MYOM3: variants seen among roughly 807,000 people sequenced by gnomAD.
The protein encoded by MYOM3 is myomesin 3, also known as myomesin-3.
A neutral mutation model predicts 191.7 loss-of-function variants in MYOM3; 155 were observed. That is an observed-to-expected ratio of 0.81 (90% CI 0.71 to 0.92). The LOEUF is 0.92. Among genes scored for constraint, MYOM3 ranks in the 40% least tolerant of loss-of-function variants. The pLI is 0.00. For synonymous variants in MYOM3, 757 were observed against 762.9 expected (o/e 0.99, Z 0.13); for missense variants, 1,889 against 1,890.6 (o/e 1.00, Z 0.02).
intron 20 of MYOM3, among the ~76,000 whole-genome samples, chr1:24,079,086 A>G (rs921144488): frequency 3.9e-5 from 6 of 152,144 alleles, no homozygotes; most frequent in African/African-American, 1.4e-4. Context: ...TATATCTAAC[A>G]TGTTACATAT....
At position 24,080,211 on chromosome 1, in the gene MYOM3, A is replaced by G. The variant is rs141941711; in HGVS notation, c.2408-17T>C. ...ACGGGGGGCCTGTGACAAGTGAGAG[A>G]TGGGAAGAGATGTGTGAGTTGGGCA... is the stretch of plus-strand genomic sequence containing the variant. On this transcript the variant is annotated splice_polypyrimidine_tract_variant and intron_variant, in intron 19 of 36. Coordinates refer to ENST00000374434, the MANE Select transcript of MYOM3 (RefSeq NM_152372.4). The G allele has an allele frequency of 5.8e-4, 928 of 1,589,704 alleles. 17 individuals carry two copies. The East Asian group carries it at 0.015, about 25-fold the overall frequency.
intron 4 of MYOM3, 144 bp downstream of exon 4, chr1:24,106,929 C>G (rs777814891): frequency 1.9e-4 from 151 of 792,336 alleles, no homozygotes; most frequent in Non-Finnish European, 8.7e-5. Flanking sequence ...CGGGGTCACA[C>G]CACTGGAATG....
At chr1:24,086,205 C>T (rs137973109) in intron 15 of MYOM3, among the ~76,000 whole-genome samples, 2 of 152,144 alleles carry the variant, frequency 1.3e-5, no homozygotes, top group Non-Finnish European at 2.9e-5. Context: ...TCTCCCAGGT[C>T]CCCCGTTATG....
chr1:24,074,539 G>C (rs963000065), intron 22 of MYOM3, among the ~76,000 whole-genome samples: 3 of 152,202 alleles, frequency 2.0e-5, no homozygotes, highest in Admixed American at 1.3e-4. Context: ...TGAGGCATAG[G>C]CTTTATGCCT....
At chr1:24,110,315 A>G (rs1644027454) in intron 1 of MYOM3, among the ~76,000 whole-genome samples, 1 of 151,338 alleles carries the variant, frequency 6.6e-6, no homozygotes, top group Non-Finnish European at 1.5e-5. Context: ...CTGCCTCTCT[A>G]GAGGGTCCTG....
chr1:24,086,210 G>C (rs1311020441), intron 15 of MYOM3, among the ~76,000 whole-genome samples: 2 of 152,068 alleles, frequency 1.3e-5, no homozygotes, highest in African/African-American at 2.4e-5. Context: ...CAGGTCCCCC[G>C]TTATGCTGCA....
chr1:24,067,167 G>C, intron 27 of MYOM3, 79 bp from the exon 28 acceptor site: 2 of 1,395,586 alleles, frequency 1.4e-6, no homozygotes, highest in Admixed American at 2.0e-5. Flanking sequence ...GGCAGTGCTG[G>C]GGGGAGGGAC....
At chr1:24,106,383 G>T (rs762312672) in intron 4 of MYOM3, among the ~76,000 whole-genome samples, 27 of 152,014 alleles carry the variant, frequency 1.8e-4, no homozygotes, top group African/African-American at 6.3e-4. Flanking sequence ...TGAAAGACAC[G>T]GCACTGAGAA....
intron 5 of MYOM3, among the ~76,000 whole-genome samples, chr1:24,105,609 C>T (rs1643975460): frequency 6.6e-6 from 1 of 152,256 alleles, no homozygotes; most frequent in South Asian, 2.1e-4. Context: ...TAACCCAGGC[C>T]TAAGCTGGGC....
At chr1:24,071,893 ACT>A (rs1643536257) in intron 24 of MYOM3, 74 bp downstream of exon 24, 4 of 1,487,176 alleles carry the variant, frequency 2.7e-6, no homozygotes, top group African/African-American at 2.8e-5. Context: ...CCTTGGCCTG[ACT>A]CTGCTCTGCT....
chr1:24,093,631 G>A (rs1643863657), intron 9 of MYOM3, among the ~76,000 whole-genome samples: 1 of 152,072 alleles, frequency 6.6e-6, no homozygotes, highest in Non-Finnish European at 1.5e-5. Context: ...CTCAGAAGTG[G>A]AGTCCAGGGC....
intron 19 of MYOM3, 58 bp downstream of exon 19, chr1:24,081,272 G>A: frequency 6.2e-7 from 1 of 1,602,126 alleles, no homozygotes; most frequent in Admixed American, 1.7e-5. Context: ...ATCTCATTGG[G>A]TAGGTTTGGG....
chr1:24,061,113 C>T, intron 34 of MYOM3, 31 bp from the exon 35 acceptor site: 1 of 1,614,134 alleles, frequency 6.2e-7, no homozygotes, highest in Non-Finnish European at 8.5e-7. Flanking sequence ...CAAGGTGTGA[C>T]ATTCCACTTG....
intron 16 of MYOM3, chr1:24,084,227 GTA>G (rs1274889915): frequency 6.0e-6 from 3 of 497,664 alleles, no homozygotes; most frequent in Non-Finnish European, 1.1e-5. Flanking sequence ...TTGGAAGTGT[GTA>G]GCACTTCCTG....
Position 24,063,097 on chromosome 1 carries a change from G to T in MYOM3, c.3770+29C>A. The T allele has an allele frequency of 1.3e-6, 2 of 1,502,928 alleles. No individual in the cohort carries two copies. Among genetic ancestry groups the T allele is most frequent in the Non-Finnish European group, 9.3e-7 (1 of 1,080,348 alleles). The allele number at this position is 1,502,928 out of a possible 1,614,324, so 93.1% of individuals were successfully genotyped here. On this transcript the variant is annotated intron_variant, in intron 32 of 36. Coordinates refer to ENST00000374434, the MANE Select transcript of MYOM3 (RefSeq NM_152372.4). The surrounding 1 kb of genome is among the most constrained non-coding windows in gnomAD (Gnocchi z 4.5). ...CAGGTGCTGAATCCTTTCCAGCCTG[G>T]CTGGGGTTCTGGGGCAAGGCGGACT...
In MYOM3 at chr1:24,082,590, C is replaced by T; in HGVS notation, c.2092+3G>A. On this transcript the variant is annotated splice_donor_region_variant and intron_variant, in intron 17 of 36. Transcript: ENST00000374434. ...TGCAGGCTGGACCTGCCCTTGGACT[C>T]ACCCAGAGCCTGCTTGACCCTGATG... 6.3e-7 allele frequency: 1 copy of T among 1,596,450 alleles called. No individual in the cohort carries two copies.
rs376748023 is a variant in MYOM3 at position 24,091,162 on chromosome 1, C to T, written c.1233-166G>A. On this transcript the variant is annotated intron_variant, in intron 11 of 36. Coordinates refer to ENST00000374434, the MANE Select transcript of MYOM3 (RefSeq NM_152372.4). ...GAGCCTGGCTCCAACCTCGGGCCCC[C>T]GGGAGACCTTTTCACCATCCCTGAC... Among the ~76,000 whole-genome samples, 137 of 152,316 alleles carry T rather than the reference C, an allele frequency of 9.0e-4. 1 individual carries two copies. The highest frequency in any genetic ancestry group is 3.1e-3 in the African/African-American group (128 of 41,562).
chr1:24,063,981 TG>T lies in MYOM3; in HGVS notation c.3622+90del. 1.0e-6 allele frequency: 1 copy of T among 958,876 alleles called. No homozygotes were observed. The highest frequency in any genetic ancestry group is 1.6e-5 in the African/African-American group (1 of 61,038). 59.4% of individuals were successfully genotyped at this position (958,876 alleles called of 1,614,324 possible). On this transcript the variant is annotated intron_variant, in intron 30 of 36. Transcript: ENST00000374434. This position sits in a 1 kb window ranked among gnomAD's most constrained non-coding sequence, Gnocchi z 4.5. The stretch of plus-strand genomic sequence containing the variant: ...TGTGCCTCAATTTCTCCAAGTGACA[TG>T]GGGATCCCATAAATCTTACTGCACA...
rs974973534 is a variant in MYOM3, at chr1:24,067,170, G to A, written c.3356-82C>T. On this transcript the variant is annotated intron_variant, in intron 27 of 36. Coordinates refer to ENST00000374434, the MANE Select transcript of MYOM3 (RefSeq NM_152372.4). ...CACCTGTGTCCAGGCAGTGCTGGGG[G>A]GAGGGACAGCTAATGGCTATGGACT... 6.5e-6 allele frequency: 9 copies of A among 1,374,544 alleles called. No homozygotes were observed. In the African/African-American group the frequency reaches 1.3e-4, roughly 20 times the overall value. The allele number at this position is 1,374,544 out of a possible 1,614,324, so 85.1% of individuals were successfully genotyped here.
Sources: gnomAD v4.1 joint callset for allele counts (sites outside exome capture counted in the v4.1 genomes callset) on GRCh38, gnomAD v4.1.1 for gene constraint, Gnocchi (gnomAD v3.1) non-coding constraint, MANE v1.5 for transcripts, NCBI Gene and HGNC (gene_info 2026-07-23, HGNC 2026-07-21) for gene names.